ARSG: variants seen among roughly 807,000 people sequenced by gnomAD.
ARSG encodes arylsulfatase G.
In ARSG, 37 loss-of-function variants were observed where a neutral mutation model predicts 50.5. The ratio of observed to expected loss-of-function variants is 0.73; its 90% CI spans 0.56 to 0.96. The LOEUF (loss-of-function observed/expected upper bound fraction) is 0.96, where lower values mean the gene tolerates loss of function less well. Ranked by LOEUF, ARSG falls within the 50% of genes least tolerant of loss-of-function variation. The probability of loss-of-function intolerance (pLI) is 0.00; values close to 1 mark genes in which losing one functional copy is unlikely to be tolerated. For missense variants in ARSG, 629 were observed against 675.3 expected, an observed-to-expected ratio of 0.93 and a Z score of 0.76; for synonymous variants, 225 against 254.6, an observed-to-expected ratio of 0.88 and a Z score of 1.11.
chr17:68,391,660 AACAGCTCCAAACC>A (rs2059611498), intron 9 of ARSG, among the ~76,000 whole-genome samples: 1 of 152,138 alleles, frequency 6.6e-6, no homozygotes, highest in South Asian at 2.1e-4. Context: ...AACTCGAGCA[AACAGCTCCAAACC>A]ACCGCGGCCT....
At chr17:68,363,898 C>T (rs141022365) in intron 6 of ARSG, among the ~76,000 whole-genome samples, 65 of 152,244 alleles carry the variant, frequency 4.3e-4, no homozygotes, top group African/African-American at 1.5e-3. Flanking sequence ...TGCAGCAGTC[C>T]ATTTCAGAGA....
At chr17:68,270,687 G>A (rs113130747) in intron 1 of ARSG, 12 of 668,086 alleles carry the variant, frequency 1.8e-5, no homozygotes, top group African/African-American at 1.6e-4. Flanking sequence ...TAAATCAAGA[G>A]GGCTGGCTCA....
intron 9 of ARSG, among the ~76,000 whole-genome samples, chr17:68,392,106 A>G (rs2081019845): frequency 6.6e-6 from 1 of 152,162 alleles, no homozygotes; most frequent in South Asian, 2.1e-4. Context: ...GTGCATGCGA[A>G]AGCCTGAACT....
intron 9 of ARSG, among the ~76,000 whole-genome samples, chr17:68,387,404 C>A (rs1013390951): frequency 1.3e-5 from 2 of 152,224 alleles, no homozygotes; most frequent in African/African-American, 2.4e-5. Flanking sequence ...ACTGGGATTA[C>A]AGGCATGAGC....
intron 9 of ARSG, among the ~76,000 whole-genome samples, chr17:68,391,692 T>G (rs1371271690): frequency 6.6e-6 from 1 of 152,206 alleles, no homozygotes; most frequent in Non-Finnish European, 1.5e-5. Flanking sequence ...CTTTTCAGAC[T>G]GCTTTGTGGT....
intron 4 of ARSG, among the ~76,000 whole-genome samples, chr17:68,350,852 G>T (rs1352124153): frequency 6.6e-6 from 1 of 152,086 alleles, no homozygotes; most frequent in African/African-American, 2.4e-5. Flanking sequence ...AGAAGAGATA[G>T]AAGGAAGGAG....
At position 68,396,003 on chromosome 17, in the gene ARSG, TTTTTTTTTTTTG is replaced by T. The variant is rs1342506747; in HGVS notation, c.1212+823_1212+834del. 2.9e-5 allele frequency among the ~76,000 whole-genome samples: 3 copies of T among 102,170 alleles called. No homozygotes were observed. In the East Asian group the frequency reaches 8.3e-4, roughly 28 times the overall value. 67.0% of individuals were successfully genotyped at this position (102,170 alleles called of 152,430 possible). On this transcript the variant is annotated intron_variant, in intron 10 of 11. Transcript: ENST00000621439. Reference sequence around the variant, plus strand: ...GGCTCAGCACACTCTTGGCAGCCTGTTTTTTTTTTTTGTTTTTTTTTTTGAGATGGAGTCTTG... The same window carrying T: ...GGCTCAGCACACTCTTGGCAGCCTGTTTTTTTTTTTTGAGATGGAGTCTTG...
At chr17:68,359,521 G>C (rs1339075141) in intron 6 of ARSG, 1 of 152,178 alleles carries the variant, frequency 6.6e-6, no homozygotes, top group Non-Finnish European at 1.5e-5. Context: ...TGGACTCCAA[G>C]AAACTTGGTG....
intron 1 of ARSG, chr17:68,285,540 C>T (rs116049536): frequency 0.017 from 2,545 of 152,334 alleles, 74 homozygotes; most frequent in African/African-American, 0.058. Flanking sequence ...TGTGGTGGTG[C>T]GCACCTGTGC....
chr17:68,356,084 G>T (rs775113467), intron 5 of ARSG, among the ~76,000 whole-genome samples: 64 of 152,072 alleles, frequency 4.2e-4, no homozygotes, highest in African/African-American at 1.4e-3. Flanking sequence ...GTTTCACCCT[G>T]CTGGCCAGGC....
At chr17:68,325,598 A>C (rs1393192982) in intron 2 of ARSG, among the ~76,000 whole-genome samples, 1 of 152,084 alleles carries the variant, frequency 6.6e-6, no homozygotes, top group African/African-American at 2.4e-5. Context: ...TCTGGTTGTA[A>C]GTGACGGAAA....
intron 2 of ARSG, among the ~76,000 whole-genome samples, chr17:68,339,193 G>C (rs1165089108): frequency 7.2e-5 from 11 of 152,180 alleles, no homozygotes; most frequent in African/African-American, 2.7e-4. Flanking sequence ...TCTCAGTTGG[G>C]AGGCTGAGGC....
At chr17:68,392,511 A>AT (rs760461356) in intron 9 of ARSG, among the ~76,000 whole-genome samples, 28 of 152,026 alleles carry the variant, frequency 1.8e-4, no homozygotes, top group Admixed American at 3.9e-4. Context: ...TTATTTATTT[A>AT]TTTTTGGAGA....
chr17:68,445,535 G>A, the ARSG span, among the ~76,000 whole-genome samples: 17 of 152,236 alleles, frequency 1.1e-4, no homozygotes, highest in African/African-American at 3.6e-4. Flanking sequence ...AGTGCCCCAC[G>A]TCCCCACTGT....
intron 6 of ARSG, among the ~76,000 whole-genome samples, chr17:68,365,179 G>A (rs941475088): frequency 9.2e-5 from 14 of 152,110 alleles, no homozygotes; most frequent in East Asian, 1.9e-4. Flanking sequence ...GTGTGGTGGC[G>A]TGCATGCCTG....
At chr17:68,376,080 C>T (rs2080128179) in intron 8 of ARSG, among the ~76,000 whole-genome samples, 1 of 151,972 alleles carries the variant, frequency 6.6e-6, no homozygotes, top group Non-Finnish European at 1.5e-5. Flanking sequence ...TTTATCACCT[C>T]AAAAGAAAAC....
downstream of ARSG, chr17:68,421,828 A>ACATT: frequency 6.2e-7 from 1 of 1,614,134 alleles, no homozygotes; most frequent in Non-Finnish European, 8.5e-7. Flanking sequence ...TATCTACCAA[A>ACATT]ATCAAAACAG....
At chr17:68,370,773 C>G (rs1005152110) in intron 8 of ARSG, among the ~76,000 whole-genome samples, 62 of 152,270 alleles carry the variant, frequency 4.1e-4, no homozygotes, top group African/African-American at 1.5e-3. Context: ...CAAAGGCGAC[C>G]AGCCCTCCAC....
chr17:68,309,858 TA>T (rs35580730), intron 2 of ARSG, among the ~76,000 whole-genome samples: 56,202 of 149,992 alleles, frequency 0.37, 11,637 homozygotes, highest in African/African-American at 0.56. Context: ...AGACTCTGTC[TA>T]AAAAAAAATA....
Sources: gnomAD v4.1 joint callset for allele counts (sites outside exome capture counted in the v4.1 genomes callset) on GRCh38, gnomAD v4.1.1 for gene constraint, MANE v1.5 for transcripts, NCBI Gene and HGNC (gene_info 2026-07-23, HGNC 2026-07-21) for gene names.